The following GABRB3 variants were observed in gnomAD, a reference collection of about 807,000 sequenced individuals.
The protein encoded by GABRB3 is gamma-aminobutyric acid type A receptor subunit beta3.
In GABRB3, 14 loss-of-function variants were observed where a neutral mutation model predicts 52.1. The ratio of observed to expected loss-of-function variants is 0.27; its 90% CI spans 0.18 to 0.42. The LOEUF (loss-of-function observed/expected upper bound fraction) is 0.42, where lower values mean the gene tolerates loss of function less well. Among genes scored for constraint, GABRB3 ranks in the 10% least tolerant of loss-of-function variants. GABRB3 has a pLI of 1.00. For missense variants in GABRB3, 307 were observed against 609.1 expected (o/e 0.50, Z 5.22); for synonymous variants, 260 against 232.3 (o/e 1.12, Z -1.08).
intron 3 of GABRB3, among the ~76,000 whole-genome samples, chr15:26,665,071 T>C (rs1014841834): frequency 2.6e-5 from 4 of 152,140 alleles, no homozygotes; most frequent in African/African-American, 9.7e-5. Context: ...TAATGTATAT[T>C]TTATATATAA....
chr15:26,604,245 C>G (rs1406866078), intron 4 of GABRB3, among the ~76,000 whole-genome samples: 1 of 152,002 alleles, frequency 6.6e-6, no homozygotes, highest in Non-Finnish European at 1.5e-5. Flanking sequence ...AATTATAAAA[C>G]ATTGATAAAA....
chr15:26,772,804 G>C, intron 1 of GABRB3, 32 bp from the exon 2 acceptor site: 1 of 1,514,860 alleles, frequency 6.6e-7, no homozygotes, highest in Non-Finnish European at 8.9e-7. Context: ...CAAAGAGCGG[G>C]GTCAGGGGCG....
intron 3 of GABRB3, among the ~76,000 whole-genome samples, chr15:26,622,962 G>A (rs1892542169): frequency 6.6e-6 from 1 of 152,204 alleles, no homozygotes; most frequent in East Asian, 1.9e-4. Flanking sequence ...CAAGTTAAAG[G>A]AGAGGCAGCA....
chr15:26,684,914 A>G (rs1035796725), intron 3 of GABRB3, among the ~76,000 whole-genome samples: 7 of 152,208 alleles, frequency 4.6e-5, no homozygotes, highest in African/African-American at 7.2e-5. Flanking sequence ...CCAAAATGTA[A>G]CTTGAGGACA....
At position 26,764,179 on chromosome 15, in the gene GABRB3, AATATATATATATATATATATATAT is replaced by A. The variant is rs59007360; in HGVS notation, c.240+8199_240+8222del. ...AAAAAAAAAAAAAAAAAAAAAAAAA[AATATATATATATATATATATATAT>A]ATATATATATATATATATATATATA... On this transcript the variant is annotated intron_variant, in intron 3 of 8. Transcript: ENST00000311550. Among the ~76,000 whole-genome samples the A allele has an allele frequency of 1.4e-3, 20 of 14,390 alleles. 2 individuals are homozygous for A. Among genetic ancestry groups the A allele is most frequent in the Non-Finnish European group, 2.4e-3 (19 of 7,774 alleles). 9.4% of individuals were successfully genotyped at this position (14,390 alleles called of 152,430 possible). A position where few individuals can be genotyped will look rare whatever the true frequency, so the allele number is the denominator to read the frequency against.
chr15:26,561,148 G>C lies in GABRB3; in HGVS notation c.864C>G (p.Thr288=), dbSNP rs1336133058. The C allele has an allele frequency of 6.2e-7, 1 of 1,614,026 alleles. No individual in the cohort carries two copies. The highest frequency in any genetic ancestry group is 1.3e-5 in the African/African-American group (1 of 74,934). The change falls in exon 8 of 9, where the codon ACC becomes ACG. Residue 288 remains threonine (T), a synonymous_variant. Coordinates refer to ENST00000311550, the MANE Select transcript of GABRB3 (RefSeq NM_000814.6). ...AGGTCTCCCGAAGGTGGGTGTTGAT[G>C]GTTGTCATTGTCAGCACAGTTGTGA... ...LGITTVLTMT[T]INTHLRETLP...
chr15:26,704,193 G>C (rs1220289650), intron 3 of GABRB3, among the ~76,000 whole-genome samples: 2 of 152,238 alleles, frequency 1.3e-5, no homozygotes, highest in Non-Finnish European at 2.9e-5. Context: ...GCCACTGTCA[G>C]AGCCACAGTT....
intron 3 of GABRB3, among the ~76,000 whole-genome samples, chr15:26,740,251 C>A (rs1220560813): frequency 1.3e-5 from 2 of 152,078 alleles, no homozygotes; most frequent in Non-Finnish European, 2.9e-5. Flanking sequence ...GGGACACACT[C>A]CAATGAGCCA....
intron 6 of GABRB3, among the ~76,000 whole-genome samples, chr15:26,575,015 A>T (rs1326508071): frequency 6.6e-6 from 1 of 152,196 alleles, no homozygotes; most frequent in Admixed American, 6.5e-5. Context: ...AATAAATACA[A>T]GTTCCTTCTT....
intron 3 of GABRB3, among the ~76,000 whole-genome samples, chr15:26,718,234 GT>G (rs1346628165): frequency 1.5e-4 from 23 of 152,012 alleles, no homozygotes; most frequent in Non-Finnish European, 2.8e-4. Context: ...TTGGGACGGA[GT>G]TTTGCTCTTG....
chr15:26,717,660 T>C (rs1889531569), intron 3 of GABRB3, among the ~76,000 whole-genome samples: 1 of 152,124 alleles, frequency 6.6e-6, no homozygotes, highest in East Asian at 1.9e-4. Context: ...CCTGGCTCCC[T>C]CCCTCACCCA....
intron 3 of GABRB3, among the ~76,000 whole-genome samples, chr15:26,732,232 GGACA>G (rs1449460736): frequency 6.6e-6 from 1 of 150,694 alleles, no homozygotes; most frequent in Non-Finnish European, 1.5e-5. Context: ...ATGGATGGGT[GGACA>G]GATGGATGGA....
At chr15:26,709,515 CTTTTTTTTTTT>C (rs57044167) in intron 3 of GABRB3, among the ~76,000 whole-genome samples, 2 of 92,006 alleles carry the variant, frequency 2.2e-5, no homozygotes, top group African/African-American at 3.8e-5. Context: ...TTTTTTCTTT[CTTTTTTTTTTT>C]TTTTTTTTTT....
At position 26,621,472 on chromosome 15, in the gene GABRB3, C is replaced by T. The variant is rs780725183; in HGVS notation, c.303G>A (p.Gly101=). ...TGTCAAGCGTGAGGTTGAGAGGGAT[C>T]CCAGAATAGGCGAGCCTTTTATCTC... ...YWRDKRLAYS[G]IPLNLTLDNR... is the part of the protein sequence containing the mutation. Residue 101 remains glycine (G), a synonymous_variant, in exon 4 of 9, where the codon GGG becomes GGA. Coordinates refer to ENST00000311550, the MANE Select transcript of GABRB3 (RefSeq NM_000814.6). The surrounding 1 kb of genome is among the most constrained non-coding windows in gnomAD (Gnocchi z 4.1). The T allele has an allele frequency of 2.5e-6, 4 of 1,614,100 alleles. No individual in the cohort carries two copies. Among genetic ancestry groups the T allele is most frequent in the Non-Finnish European group, 3.4e-6 (4 of 1,179,998 alleles).
intron 3 of GABRB3, among the ~76,000 whole-genome samples, chr15:26,712,564 G>A (rs576328995): frequency 6.4e-4 from 97 of 152,206 alleles, no homozygotes; most frequent in African/African-American, 2.1e-3. Flanking sequence ...CCGAGAGCCC[G>A]TGACTCCAGA....
rs148230570 is a variant in GABRB3 at position 26,665,323 on chromosome 15, T to A, written c.241-43789A>T. Among the ~76,000 whole-genome samples the A allele has an allele frequency of 5.3e-3, 811 of 152,256 alleles. 4 individuals carry two copies. The highest frequency in any genetic ancestry group is 8.8e-3 in the Non-Finnish European group (600 of 68,004). On this transcript the variant is annotated intron_variant, in intron 3 of 8. Transcript: ENST00000311550. Reference sequence around the variant, plus strand: ...ATTTCGGGGGAAGAAATCTTCAAGATCATAGAATTAAATACTCTCATTTAA... The same window carrying A: ...ATTTCGGGGGAAGAAATCTTCAAGAACATAGAATTAAATACTCTCATTTAA...
intron 3 of GABRB3, among the ~76,000 whole-genome samples, chr15:26,708,174 A>C (rs766087078): frequency 1.8e-4 from 27 of 152,348 alleles, no homozygotes; most frequent in Admixed American, 4.6e-4. Flanking sequence ...ATGAGAAATA[A>C]AAATGTTCAT....
intron 3 of GABRB3, chr15:26,767,067 A>C (rs1348370044): frequency 6.6e-6 from 1 of 152,214 alleles, no homozygotes; most frequent in East Asian, 1.9e-4. Context: ...CTTTCTTATC[A>C]GTGCCCCAGC....
intron 3 of GABRB3, among the ~76,000 whole-genome samples, chr15:26,762,204 G>A (rs1244719974): frequency 6.6e-6 from 1 of 152,102 alleles, no homozygotes; most frequent in Admixed American, 6.5e-5. Flanking sequence ...TCCCCTCAAT[G>A]TCACAGAGAC....
Sources: gnomAD v4.1 joint callset for allele counts (sites outside exome capture counted in the v4.1 genomes callset) on GRCh38, gnomAD v4.1.1 for gene constraint, Gnocchi (gnomAD v3.1) non-coding constraint, MANE v1.5 for transcripts, NCBI Gene and HGNC (gene_info 2026-07-23, HGNC 2026-07-21) for gene names.